The following KAZN variants were observed in gnomAD, a reference collection of about 807,000 sequenced individuals.
KAZN encodes kazrin, periplakin interacting protein.
In KAZN, 40 loss-of-function variants were observed where a neutral mutation model predicts 87.4. That is an observed-to-expected ratio of 0.46 (90% confidence interval 0.36 to 0.60). KAZN has a LOEUF of 0.60. Ranked by LOEUF, KAZN falls within the 20% of genes least tolerant of loss-of-function variation. The pLI is 0.00. For synonymous variants in KAZN, 466 were observed against 458.3 expected (o/e 1.02, Z -0.22); for missense variants, 898 against 1,073.9 (o/e 0.84, Z 2.29).
intron 2 of KAZN, among the ~76,000 whole-genome samples, chr1:14,311,360 AGAGG>A (rs1655280797): frequency 6.6e-6 from 1 of 152,114 alleles, no homozygotes; most frequent in African/African-American, 2.4e-5. Context: ...TCATTCAATG[AGAGG>A]ATGATATAAA....
intron 2 of KAZN, among the ~76,000 whole-genome samples, chr1:14,589,339 A>T (rs1676049639): frequency 6.6e-6 from 1 of 151,948 alleles, no homozygotes; most frequent in Non-Finnish European, 1.5e-5. Flanking sequence ...GGTAAAAAAA[A>T]AAAAAAGGGA....
In KAZN at chr1:14,005,119, G is replaced by C. The variant is rs921643179; in HGVS notation, c.91+111363G>C. Among the ~76,000 whole-genome samples, 12 of 152,196 alleles carry C rather than the reference G, an allele frequency of 7.9e-5. No homozygotes were observed. In the South Asian group the frequency reaches 2.3e-3, roughly 29 times the overall value. ...ATTCTGTTATCAGCAACAGAAAATGGTCTAAGACAGTGTTATACTTGAATA... is the reference window on the plus strand; with the variant it reads ...ATTCTGTTATCAGCAACAGAAAATGCTCTAAGACAGTGTTATACTTGAATA... On this transcript the variant is annotated intron_variant, in intron 1 of 16. Coordinates refer to the KAZN transcript ENST00000636203.
At chr1:14,248,403 G>A (rs1254852192) in intron 2 of KAZN, among the ~76,000 whole-genome samples, 1 of 152,192 alleles carries the variant, frequency 6.6e-6, no homozygotes, top group Non-Finnish European at 1.5e-5. Flanking sequence ...ATAAAGCATG[G>A]TGTCTGTTCC....
At chr1:13,998,410 T>G (rs10927985) in intron 1 of KAZN, among the ~76,000 whole-genome samples, 22,035 of 152,128 alleles carry the variant, frequency 0.14, 1,700 homozygotes, top group Middle Eastern at 0.22. Context: ...AAATGCCCCA[T>G]TTGAAAGACA....
chr1:14,116,214 G>A (rs1191503237), intron 1 of KAZN, among the ~76,000 whole-genome samples: 1 of 152,200 alleles, frequency 6.6e-6, no homozygotes, highest in Non-Finnish European at 1.5e-5. Context: ...AGACAATGGG[G>A]AAATTGTCTC....
At chr1:14,792,402 A>G (rs1645700634) in intron 1 of KAZN, among the ~76,000 whole-genome samples, 1 of 152,222 alleles carries the variant, frequency 6.6e-6, no homozygotes, top group Non-Finnish European at 1.5e-5. Flanking sequence ...CAGCCATACA[A>G]GAATGAAGTA....
intron 2 of KAZN, among the ~76,000 whole-genome samples, chr1:14,586,492 C>A (rs530139420): frequency 6.7e-6 from 1 of 150,126 alleles, no homozygotes; most frequent in South Asian, 2.1e-4. Flanking sequence ...TAAAACAAGC[C>A]TGTTTGACTA....
At chr1:14,327,376 G>C (rs1190525674) in intron 2 of KAZN, among the ~76,000 whole-genome samples, 1 of 152,068 alleles carries the variant, frequency 6.6e-6, no homozygotes, top group African/African-American at 2.4e-5. Context: ...CCCACACGCT[G>C]TCCCTTCCCA....
chr1:15,008,225 GC>G (rs1669230666), intron 2 of KAZN, among the ~76,000 whole-genome samples: 1 of 152,162 alleles, frequency 6.6e-6, no homozygotes, highest in South Asian at 2.1e-4. Context: ...CGGAGTCCAG[GC>G]CTCGGCTGTA....
intron 2 of KAZN, among the ~76,000 whole-genome samples, chr1:14,369,945 C>T (rs572455351): frequency 6.6e-6 from 1 of 152,308 alleles, no homozygotes; most frequent in South Asian, 2.1e-4. Context: ...TCTAACACTG[C>T]CTGCTGGGAT....
At chr1:14,422,575 C>T (rs1200893492) in intron 2 of KAZN, among the ~76,000 whole-genome samples, 1 of 152,236 alleles carries the variant, frequency 6.6e-6, no homozygotes, top group Non-Finnish European at 1.5e-5. Context: ...AAAGAAAAGT[C>T]TCATTGTGTG....
Position 14,735,213 on chromosome 1 carries a change from C to A in KAZN, c.226+135990C>A, listed in dbSNP as rs1433326433. Among the ~76,000 whole-genome samples the A allele has an allele frequency of 6.6e-6, 1 of 152,228 alleles. No individual in the cohort carries two copies. Among genetic ancestry groups the A allele is most frequent in the African/African-American group, 2.4e-5 (1 of 41,464 alleles). ...CAGCTGGGACTACAGGCACCCGCCA[C>A]CATGCCCGGCTAATTTTTTTGTATT... On this transcript the variant is annotated intron_variant, in intron 1 of 14. Coordinates refer to ENST00000376030, the MANE Select transcript of KAZN (RefSeq NM_201628.3). This position sits in a 1 kb window ranked among gnomAD's most constrained non-coding sequence, Gnocchi z 4.3.
At chr1:14,494,263 C>T (rs1669827149) in intron 2 of KAZN, among the ~76,000 whole-genome samples, 1 of 152,124 alleles carries the variant, frequency 6.6e-6, no homozygotes, top group Non-Finnish European at 1.5e-5. Context: ...TTAAGTGTGA[C>T]AAGTGCCATA....
At position 14,923,782 on chromosome 1, in the gene KAZN, G is replaced by A. The variant is rs1658815870; in HGVS notation, c.227-36902G>A. ...CTGACCTCTCCCGGTCAGCTGTGGGGACCTCGGCTCTCGGCAAGGCTGTCA... is the reference window on the plus strand; with the variant it reads ...CTGACCTCTCCCGGTCAGCTGTGGGAACCTCGGCTCTCGGCAAGGCTGTCA... On this transcript the variant is annotated intron_variant, in intron 1 of 14. Coordinates refer to ENST00000376030, the MANE Select transcript of KAZN (RefSeq NM_201628.3). This position sits in a 1 kb window ranked among gnomAD's most constrained non-coding sequence, Gnocchi z 4.2. Among the ~76,000 whole-genome samples, 1 of 152,242 alleles carries A rather than the reference G, an allele frequency of 6.6e-6. No individual in the cohort carries two copies. The highest frequency in any genetic ancestry group is 1.9e-4 in the East Asian group (1 of 5,192).
At chr1:14,960,371 T>G (rs955481319) in intron 1 of KAZN, among the ~76,000 whole-genome samples, 3 of 152,212 alleles carry the variant, frequency 2.0e-5, no homozygotes, top group African/African-American at 7.2e-5. Flanking sequence ...TGCTGTTGGC[T>G]CATGGTTATG....
chr1:14,399,498 T>C (rs1663200380), intron 2 of KAZN, among the ~76,000 whole-genome samples: 1 of 147,050 alleles, frequency 6.8e-6, no homozygotes, highest in Admixed American at 7.0e-5. Flanking sequence ...AAAAAAGACA[T>C]CTAGGACTCT....
At chr1:14,839,894 G>C (rs1572620266) in intron 1 of KAZN, among the ~76,000 whole-genome samples, 1 of 152,166 alleles carries the variant, frequency 6.6e-6, no homozygotes, top group Non-Finnish European at 1.5e-5. Context: ...GCCTGGCTGA[G>C]TTTCTTCTTT....
At chr1:13,926,762 G>A (rs923292081) in intron 1 of KAZN, among the ~76,000 whole-genome samples, 1 of 152,104 alleles carries the variant, frequency 6.6e-6, no homozygotes, top group African/African-American at 2.4e-5. Flanking sequence ...GCTGGCTGGA[G>A]TGACATATCA....
chr1:14,496,683 G>A (rs1430744256), intron 2 of KAZN, among the ~76,000 whole-genome samples: 2 of 151,760 alleles, frequency 1.3e-5, no homozygotes, highest in Non-Finnish European at 1.5e-5. Context: ...AAGCAGCTCG[G>A]CAGCGACTCT....
Sources: allele counts gnomAD v4.1 joint callset (sites outside exome capture counted in the v4.1 genomes callset), GRCh38; gene constraint gnomAD v4.1.1; non-coding constraint Gnocchi (gnomAD v3.1); transcripts MANE v1.5; gene names NCBI Gene and HGNC (gene_info 2026-07-23, HGNC 2026-07-21).